The following PITPNC1 variants were observed in gnomAD, a reference collection of about 807,000 sequenced individuals.
PITPNC1 encodes the protein cytoplasmic phosphatidylinositol transfer protein 1.
PITPNC1 carries 18 observed loss-of-function variants against 44.7 expected under a neutral mutation model. The observed-to-expected ratio is 0.40, with a 90% CI of 0.28 to 0.60. PITPNC1 has a LOEUF of 0.60. Ranked by LOEUF, PITPNC1 falls within the 20% of genes least tolerant of loss-of-function variation. PITPNC1 has a pLI of 0.39. For missense variants in PITPNC1, 290 were observed against 418.4 expected, an observed-to-expected ratio of 0.69 and a Z score of 2.68; for synonymous variants, 141 against 149.6, an observed-to-expected ratio of 0.94 and a Z score of 0.42.
intron 1 of PITPNC1, among the ~76,000 whole-genome samples, chr17:67,504,898 C>A (rs1046455185): frequency 2.0e-5 from 3 of 152,238 alleles, no homozygotes; most frequent in Admixed American, 2.0e-4. Flanking sequence ...TTAGGTAGCA[C>A]AGCCTTAGCT....
At chr17:67,648,232 C>T (rs922773562) in intron 6 of PITPNC1, among the ~76,000 whole-genome samples, 2 of 152,136 alleles carry the variant, frequency 1.3e-5, no homozygotes, top group African/African-American at 2.4e-5. Context: ...ATTTGTCAGC[C>T]TATTATCAGC....
At chr17:67,670,690 G>T (rs2042497668) in intron 7 of PITPNC1, among the ~76,000 whole-genome samples, 1 of 144,890 alleles carries the variant, frequency 6.9e-6, no homozygotes, top group African/African-American at 2.6e-5. Context: ...GGCAGAGGTT[G>T]CAGTGAGCCA....
In PITPNC1 at chr17:67,597,949, T is replaced by C. The variant is rs117491527; in HGVS notation, c.366+19692T>C. On this transcript the variant is annotated intron_variant, in intron 5 of 8. Coordinates refer to ENST00000581322, the MANE Select transcript of PITPNC1 (RefSeq NM_012417.4). This position sits in a 1 kb window ranked among gnomAD's most constrained non-coding sequence, Gnocchi z 4.0. ...GTAGAAATAGAGAGGAGACGCTGGG[T>C]GCGGTGGCTCATGCCTGTAATCCCA... is the stretch of plus-strand genomic sequence containing the variant. Among the ~76,000 whole-genome samples the C allele has an allele frequency of 0.015, 2,256 of 152,078 alleles. 17 individuals carry two copies. Among genetic ancestry groups the C allele is most frequent in the Middle Eastern group, 0.062 (18 of 292 alleles).
chr17:67,657,670 A>G (rs2042288175), intron 6 of PITPNC1, among the ~76,000 whole-genome samples: 1 of 152,214 alleles, frequency 6.6e-6, no homozygotes, highest in Non-Finnish European at 1.5e-5. Context: ...ATGAAAATAC[A>G]GCATACTTCT....
intron 2 of PITPNC1, among the ~76,000 whole-genome samples, chr17:67,548,023 A>G (rs2040708430): frequency 6.6e-6 from 1 of 152,178 alleles, no homozygotes; most frequent in Non-Finnish European, 1.5e-5. Flanking sequence ...CTCTCTGCTC[A>G]GTAGATGCCA....
chr17:67,435,898 G>T lies in PITPNC1; in HGVS notation c.48+57696G>T, dbSNP rs534896427. ...GAAGAACAATTTCAGCTAGTGATAA[G>T]TGGTATAAAAAAATAAGTTGGGGTC... On this transcript the variant is annotated intron_variant, in intron 1 of 8. Coordinates refer to ENST00000581322, the MANE Select transcript of PITPNC1 (RefSeq NM_012417.4). Among the ~76,000 whole-genome samples the T allele has an allele frequency of 5.9e-5, 9 of 152,304 alleles. No homozygotes were observed. In the East Asian group the frequency reaches 1.2e-3, roughly 20 times the overall value.
intron 4 of PITPNC1, 156 bp from the exon 5 acceptor site, chr17:67,578,025 GCTTTC>G: frequency 1.5e-6 from 1 of 682,436 alleles, no homozygotes; most frequent in Non-Finnish European, 2.7e-6. Flanking sequence ...CCTAAAGGCG[GCTTTC>G]CTTTGTCTGA....
At chr17:67,547,108 A>G (rs1445044909) in intron 2 of PITPNC1, among the ~76,000 whole-genome samples, 2 of 152,234 alleles carry the variant, frequency 1.3e-5, no homozygotes, top group African/African-American at 4.8e-5. Context: ...GCAGAGTTCT[A>G]TTTAAAATGA....
intron 4 of PITPNC1, among the ~76,000 whole-genome samples, chr17:67,576,113 G>A (rs1466198148): frequency 6.6e-6 from 1 of 151,964 alleles, no homozygotes; most frequent in African/African-American, 2.4e-5. Flanking sequence ...CTGACCTCAG[G>A]TGATATGCCT....
intron 6 of PITPNC1, among the ~76,000 whole-genome samples, chr17:67,650,441 CTTTTTT>C (rs34611864): frequency 2.8e-5 from 2 of 70,984 alleles, no homozygotes; most frequent in Non-Finnish European, 4.8e-5. Flanking sequence ...AAACCATAGG[CTTTTTT>C]TTTTTTTTTT....
intron 1 of PITPNC1, among the ~76,000 whole-genome samples, chr17:67,412,603 G>A (rs968815259): frequency 6.6e-6 from 1 of 152,006 alleles, no homozygotes; most frequent in Non-Finnish European, 1.5e-5. Context: ...TTTCGCTCTT[G>A]TTGTCCATGC....
intron 1 of PITPNC1, among the ~76,000 whole-genome samples, chr17:67,529,213 T>C (rs2040429808): frequency 6.6e-6 from 1 of 152,132 alleles, no homozygotes. Flanking sequence ...CATTCCCATC[T>C]CCACTGAGCA....
At chr17:67,687,166 G>C in intron 8 of PITPNC1, 2 of 1,575,530 alleles carry the variant, frequency 1.3e-6, no homozygotes, top group Non-Finnish European at 1.7e-6. Context: ...ATGACATAGA[G>C]AGTCATGCCC....
At chr17:67,539,706 C>G (rs1030260105) in intron 2 of PITPNC1, among the ~76,000 whole-genome samples, 1 of 152,032 alleles carries the variant, frequency 6.6e-6, no homozygotes. Context: ...GGCGTGGTGG[C>G]GGGCACCTGG....
At chr17:67,549,308 C>T (rs976874531) in intron 2 of PITPNC1, among the ~76,000 whole-genome samples, 5 of 152,036 alleles carry the variant, frequency 3.3e-5, no homozygotes, top group Non-Finnish European at 7.4e-5. Flanking sequence ...ACCCAGGAGA[C>T]GGAGGTTGCA....
In PITPNC1 at chr17:67,377,771, T is replaced by G. The variant is rs939168288; in HGVS notation, c.-384T>G. On this transcript the variant is annotated 5_prime_UTR_variant, in exon 1 of 9. Transcript: ENST00000581322. ...TGACTTTTGTGCATTCGTTTTAATTTTTGGAAATCTCTCTTTTTTCCTCCC... is the reference window on the plus strand; with the variant it reads ...TGACTTTTGTGCATTCGTTTTAATTGTTGGAAATCTCTCTTTTTTCCTCCC... The G allele has an allele frequency of 5.2e-6, 1 of 193,150 alleles. No individual in the cohort carries two copies. The highest frequency in any genetic ancestry group is 1.2e-4 in the East Asian group (1 of 8,256). The allele number at this position is 193,150 out of a possible 1,614,324, so 12.0% of individuals were successfully genotyped here. A position where few individuals can be genotyped will look rare whatever the true frequency, so the allele number is the denominator to read the frequency against.
chr17:67,620,477 G>A (rs931556838), intron 5 of PITPNC1, among the ~76,000 whole-genome samples: 3 of 152,176 alleles, frequency 2.0e-5, no homozygotes, highest in African/African-American at 4.8e-5. Flanking sequence ...GATCTGCAGA[G>A]GTGTTCTCTG....
intron 3 of PITPNC1, chr17:67,553,076 G>A (rs1215605776): frequency 1.3e-5 from 2 of 152,036 alleles, no homozygotes; most frequent in Non-Finnish European, 1.5e-5. Flanking sequence ...AATATTTAAG[G>A]TCAGTCTCCC....
chr17:67,522,659 C>CTTTTTTTTTTTCTTTTTTTTTTTTTTTTT (rs1555661488), intron 1 of PITPNC1, among the ~76,000 whole-genome samples: 1 of 117,226 alleles, frequency 8.5e-6, no homozygotes, highest in African/African-American at 4.4e-5. Context: ...CCATTTTAAT[C>CTTTTTTTTTTTCTTTTTTTTTTTTTTTTT]TTTTTTTTTT....
Sources: allele counts gnomAD v4.1 joint callset (sites outside exome capture counted in the v4.1 genomes callset), GRCh38; gene constraint gnomAD v4.1.1; non-coding constraint Gnocchi (gnomAD v3.1); transcripts MANE v1.5; gene names NCBI Gene and HGNC (gene_info 2026-07-23, HGNC 2026-07-21).